The following AP2B1 variants were observed in gnomAD, a reference collection of about 807,000 sequenced individuals.
The protein encoded by AP2B1 is AP-2 complex subunit beta.
Under a neutral mutation model 102.0 loss-of-function variants are expected in AP2B1, and 23 were observed. The ratio of observed to expected loss-of-function variants is 0.23; its 90% CI spans 0.16 to 0.32. AP2B1 has a LOEUF of 0.32. Ranked by LOEUF, AP2B1 falls within the 10% of genes least tolerant of loss-of-function variation. AP2B1 has a pLI of 1.00. For missense variants in AP2B1, 541 were observed against 1,157.4 expected (o/e 0.47, Z 7.73); for synonymous variants, 381 against 421.2 (o/e 0.90, Z 1.17).
intron 12 of AP2B1, among the ~76,000 whole-genome samples, chr17:35,646,914 G>C (rs1598162619): frequency 6.6e-6 from 1 of 151,958 alleles, no homozygotes; most frequent in Non-Finnish European, 1.5e-5. Context: ...ATCCCTATAG[G>C]AATTTTTCTT....
intron 11 of AP2B1, among the ~76,000 whole-genome samples, chr17:35,640,476 G>A (rs2074748119): frequency 1.3e-5 from 2 of 151,934 alleles, no homozygotes; most frequent in East Asian, 1.9e-4. Context: ...GACCTTAGGC[G>A]ATCCACTTAC....
intron 9 of AP2B1, among the ~76,000 whole-genome samples, chr17:35,630,240 A>G (rs2074425309): frequency 6.6e-6 from 1 of 152,238 alleles, no homozygotes; most frequent in Non-Finnish European, 1.5e-5. Flanking sequence ...GAAGTTAGCT[A>G]GTCCTGGGTT....
At chr17:35,660,320 G>A (rs970694016) in intron 14 of AP2B1, among the ~76,000 whole-genome samples, 4 of 152,048 alleles carry the variant, frequency 2.6e-5, no homozygotes, top group Admixed American at 2.6e-4. Flanking sequence ...GTGAGACCTA[G>A]AGTCTGCGTT....
intron 18 of AP2B1, among the ~76,000 whole-genome samples, chr17:35,703,140 C>T (rs1024081992): frequency 6.6e-6 from 1 of 151,948 alleles, no homozygotes; most frequent in Non-Finnish European, 1.5e-5. Flanking sequence ...GGCGTGGTGG[C>T]CAGCGCCTGT....
intron 21 of AP2B1, among the ~76,000 whole-genome samples, chr17:35,722,086 C>CAA (rs1187012505): frequency 6.6e-6 from 1 of 150,376 alleles, no homozygotes; most frequent in Non-Finnish European, 1.5e-5. Context: ...ACTAAAAAGA[C>CAA]AAAAAAAAAT....
At chr17:35,687,587 A>G (rs2075962310) in intron 18 of AP2B1, among the ~76,000 whole-genome samples, 3 of 151,944 alleles carry the variant, frequency 2.0e-5, no homozygotes, top group Admixed American at 2.0e-4. Flanking sequence ...TTGCTCAGTC[A>G]CCCGGGCTGA....
At chr17:35,674,406 A>G (rs2075655331) in intron 17 of AP2B1, 85 bp downstream of exon 17, 3 of 1,502,220 alleles carry the variant, frequency 2.0e-6, no homozygotes, top group East Asian at 4.5e-5. Flanking sequence ...AGCACTGGTT[A>G]AAAACTCACA....
intron 13 of AP2B1, among the ~76,000 whole-genome samples, chr17:35,651,194 G>GT (rs942513063): frequency 2.0e-4 from 31 of 152,124 alleles, no homozygotes; most frequent in African/African-American, 7.0e-4. Flanking sequence ...ATCCATTACT[G>GT]TAGCTTTTGT....
chr17:35,629,041 C>T (rs559382408), intron 9 of AP2B1, among the ~76,000 whole-genome samples: 2 of 151,942 alleles, frequency 1.3e-5, no homozygotes, highest in Non-Finnish European at 2.9e-5. Context: ...CTCTGCCTCC[C>T]GGGCTCAAGC....
intron 9 of AP2B1, among the ~76,000 whole-genome samples, chr17:35,629,453 C>T (rs1407747640): frequency 6.6e-6 from 1 of 152,100 alleles, no homozygotes; most frequent in Non-Finnish European, 1.5e-5. Context: ...TACAGCCTCC[C>T]TATTTCTTGT....
chr17:35,644,435 T>TG (rs2074869082), intron 12 of AP2B1, among the ~76,000 whole-genome samples: 1 of 152,166 alleles, frequency 6.6e-6, no homozygotes, highest in South Asian at 2.1e-4. Flanking sequence ...TGGAGTGCAG[T>TG]GGCGTGATCT....
intron 14 of AP2B1, among the ~76,000 whole-genome samples, chr17:35,659,487 C>T (rs1370492868): frequency 6.6e-6 from 1 of 152,216 alleles, no homozygotes; most frequent in Admixed American, 6.5e-5. Flanking sequence ...TTTTACATAG[C>T]TGCCCAGTCA....
chr17:35,629,731 T>C (rs551264002), intron 9 of AP2B1, among the ~76,000 whole-genome samples: 2 of 152,334 alleles, frequency 1.3e-5, no homozygotes, highest in South Asian at 4.1e-4. Flanking sequence ...CTGTCGACTA[T>C]CAGGTTTCTG....
chr17:35,596,875 T>C, intron 2 of AP2B1: 1 of 693,426 alleles, frequency 1.4e-6, no homozygotes, highest in Non-Finnish European at 2.7e-6. Flanking sequence ...AGAAGCCATA[T>C]GCTGCTTCGT....
At chr17:35,707,388 T>A (rs970927160) in intron 18 of AP2B1, among the ~76,000 whole-genome samples, 2 of 151,792 alleles carry the variant, frequency 1.3e-5, no homozygotes, top group Non-Finnish European at 1.5e-5. Context: ...CCTGACCTCG[T>A]GATCTGCCTG....
In AP2B1 at chr17:35,608,207, A is replaced by G. The variant is rs745435372; in HGVS notation, c.345A>G (p.Val115=). The change falls in exon 5 of 22, where the codon GTA becomes GTG. Residue 115 remains valine (V), a synonymous_variant. Transcript: ENST00000610402. The stretch of plus-strand genomic sequence containing the variant: ...TCAGAACCATGGGGTGCATCCGGGT[A>G]GACAAAATTACAGAATATCTCTGTG... ...LAVRTMGCIR[V]DKITEYLCEP... The G allele has an allele frequency of 6.2e-7, 1 of 1,614,170 alleles. No homozygotes were observed. Among genetic ancestry groups the G allele is most frequent in the South Asian group, 1.1e-5 (1 of 91,082 alleles).
chr17:35,716,593 C>A (rs144686049), intron 20 of AP2B1, among the ~76,000 whole-genome samples: 1 of 146,528 alleles, frequency 6.8e-6, no homozygotes, highest in African/African-American at 2.6e-5. Context: ...CTTAAGAAAT[C>A]ATTTCTGCCT....
chr17:35,673,117 A>G (rs907389172), intron 16 of AP2B1, among the ~76,000 whole-genome samples: 4 of 152,168 alleles, frequency 2.6e-5, no homozygotes, highest in Non-Finnish European at 5.9e-5. Context: ...CCACTCTTTT[A>G]GTATGGCTGA....
At position 35,650,751 on chromosome 17, in the gene AP2B1, T is replaced by C; in HGVS notation, c.1758T>C (p.His586=). 3.7e-6 allele frequency: 6 copies of C among 1,614,208 alleles called. No individual in the cohort carries two copies. Among genetic ancestry groups the C allele is most frequent in the Non-Finnish European group, 5.1e-6 (6 of 1,180,036 alleles). Residue 586 remains histidine (H), a synonymous_variant, in exon 13 of 22, where the codon CAT becomes CAC. Transcript: ENST00000610402. ...CCAATGCTTTTGTGGAAGGAAGTCA[T>C]GGAATTCATCGTAAACACTTGCCAA... The part of the protein sequence containing the change: ...KPPNAFVEGS[H]GIHRKHLPIH...
Sources: gnomAD v4.1 joint callset for allele counts (sites outside exome capture counted in the v4.1 genomes callset) on GRCh38, gnomAD v4.1.1 for gene constraint, MANE v1.5 for transcripts, NCBI Gene and HGNC (gene_info 2026-07-23, HGNC 2026-07-21) for gene names.